Variants in DLG2 observed in about 807,000 individuals in gnomAD.
The protein encoded by DLG2 is disks large homolog 2.
DLG2 carries 45 observed loss-of-function variants against 132.5 expected under a neutral mutation model. The ratio of observed to expected loss-of-function variants is 0.34; its 90% CI spans 0.27 to 0.44. DLG2 has a LOEUF of 0.44. DLG2 is among the 20% of genes least tolerant of loss of function. The pLI, the probability that DLG2 is intolerant of heterozygous loss-of-function variation, is 1.00. For synonymous variants in DLG2, 424 were observed against 419.6 expected (o/e 1.01, Z -0.13); for missense variants, 1,045 against 1,196.9 (o/e 0.87, Z 1.87).
intron 10 of DLG2, among the ~76,000 whole-genome samples, chr11:84,081,914 A>G (rs2096910036): frequency 6.6e-6 from 1 of 152,190 alleles, no homozygotes; most frequent in Non-Finnish European, 1.5e-5. Context: ...ACAATGGTTG[A>G]ACTAGTTTAC....
chr11:84,802,876 T>A (rs1478721564), intron 6 of DLG2, among the ~76,000 whole-genome samples: 1 of 152,190 alleles, frequency 6.6e-6, no homozygotes, highest in African/African-American at 2.4e-5. Flanking sequence ...CTCGGCTCAC[T>A]GCAACCTCCA....
intron 6 of DLG2, among the ~76,000 whole-genome samples, chr11:84,730,703 C>T (rs947369060): frequency 3.3e-5 from 5 of 151,986 alleles, no homozygotes; most frequent in Admixed American, 1.3e-4. Flanking sequence ...TCCTTATCAG[C>T]TCCCTTTCAT....
rs373259424 is a variant in DLG2, at chr11:83,827,473, A to T, written c.1722+6141T>A. ...AATCAACAATGCAATTTAAATTCTA[A>T]TTTGGAAATCCAGTTACCTATTATA... On this transcript the variant is annotated intron_variant, in intron 17 of 27. Transcript: ENST00000376104. 2.0e-5 allele frequency among the ~76,000 whole-genome samples: 3 copies of T among 152,152 alleles called. No homozygotes were observed. The East Asian group carries it at 5.8e-4, about 29-fold the overall frequency.
intron 6 of DLG2, among the ~76,000 whole-genome samples, chr11:84,842,479 A>G (rs78651057): frequency 6.3e-4 from 96 of 152,138 alleles, no homozygotes; most frequent in African/African-American, 2.2e-3. Flanking sequence ...TGTCAAAGAA[A>G]TAAGTTCTAG....
At chr11:84,212,544 A>C (rs1446596047) in intron 8 of DLG2, among the ~76,000 whole-genome samples, 1 of 152,248 alleles carries the variant, frequency 6.6e-6, no homozygotes, top group Non-Finnish European at 1.5e-5. Flanking sequence ...GAATTTGTCC[A>C]TTTAAACCTA....
intron 19 of DLG2, among the ~76,000 whole-genome samples, chr11:83,594,722 C>G (rs116637415): frequency 0.013 from 2,036 of 152,230 alleles, 50 homozygotes; most frequent in African/African-American, 0.046. Context: ...GCTTCTAATT[C>G]TTGAGCTGCC....
chr11:85,098,292 T>C (rs2070245828), intron 6 of DLG2, among the ~76,000 whole-genome samples: 1 of 152,210 alleles, frequency 6.6e-6, no homozygotes, highest in South Asian at 2.1e-4. Flanking sequence ...TTCTACAGTT[T>C]GGTGACAGAG....
intron 16 of DLG2, among the ~76,000 whole-genome samples, chr11:83,855,713 T>C (rs1227091814): frequency 2.6e-5 from 4 of 151,998 alleles, no homozygotes; most frequent in Non-Finnish European, 5.9e-5. Context: ...TTAAAAAACT[T>C]TTAAGTTCAG....
intron 18 of DLG2, among the ~76,000 whole-genome samples, chr11:83,710,327 T>A (rs2085114181): frequency 6.6e-6 from 1 of 152,092 alleles, no homozygotes; most frequent in Admixed American, 6.5e-5. Flanking sequence ...CATGCCTGAT[T>A]AATTTTTTAT....
chr11:85,350,259 GT>G (rs2083181900), intron 3 of DLG2, among the ~76,000 whole-genome samples: 2 of 152,122 alleles, frequency 1.3e-5, no homozygotes, highest in South Asian at 2.1e-4. Flanking sequence ...TGATGCAGTT[GT>G]TTTTTTCTTG....
intron 15 of DLG2, among the ~76,000 whole-genome samples, chr11:83,900,365 G>A (rs12289010): frequency 0.096 from 14,675 of 152,262 alleles, 832 homozygotes; most frequent in Middle Eastern, 0.2. Flanking sequence ...TGGGGGAAAT[G>A]TCTCTAGGGC....
intron 4 of DLG2, among the ~76,000 whole-genome samples, chr11:85,191,882 T>A (rs2080604889): frequency 6.6e-6 from 1 of 152,232 alleles, no homozygotes; most frequent in African/African-American, 2.4e-5. Context: ...AGATGGCTAT[T>A]ATTATTTTCA....
intron 6 of DLG2, among the ~76,000 whole-genome samples, chr11:84,794,027 A>G (rs997658554): frequency 2.0e-5 from 3 of 152,008 alleles, no homozygotes; most frequent in Admixed American, 1.3e-4. Context: ...CTCTGGTGGT[A>G]TGATTTAATT....
intron 6 of DLG2, among the ~76,000 whole-genome samples, chr11:84,981,613 A>G (rs2055752898): frequency 6.6e-6 from 1 of 152,168 alleles, no homozygotes; most frequent in South Asian, 2.1e-4. Flanking sequence ...AAAGTCGAGA[A>G]ATACTTCCAT....
At chr11:84,068,453 A>G (rs1326083863) in intron 10 of DLG2, among the ~76,000 whole-genome samples, 17 of 152,142 alleles carry the variant, frequency 1.1e-4, no homozygotes, top group Admixed American at 9.8e-4. Flanking sequence ...AGCTTATCTC[A>G]TCTTCTAGGA....
intron 6 of DLG2, among the ~76,000 whole-genome samples, chr11:84,920,886 T>C (rs1319309881): frequency 6.6e-5 from 10 of 152,104 alleles, no homozygotes; most frequent in East Asian, 1.9e-4. Context: ...TAGTGGTCTA[T>C]TGTGTGCAGA....
chr11:85,016,104 C>T (rs565526464), intron 6 of DLG2, among the ~76,000 whole-genome samples: 3 of 152,020 alleles, frequency 2.0e-5, no homozygotes, highest in African/African-American at 7.2e-5. Context: ...CATGTTGCTC[C>T]TACTGAAATT....
At chr11:85,152,486 A>G (rs2077320860) in intron 5 of DLG2, among the ~76,000 whole-genome samples, 1 of 152,042 alleles carries the variant, frequency 6.6e-6, no homozygotes, top group South Asian at 2.1e-4. Context: ...TGATCCACCC[A>G]CCTTGGCCTC....
At chr11:83,570,240 A>G (rs775324371) in intron 19 of DLG2, among the ~76,000 whole-genome samples, 1 of 152,156 alleles carries the variant, frequency 6.6e-6, no homozygotes, top group Non-Finnish European at 1.5e-5. Context: ...TCTGCAACCA[A>G]AGTTCACAGG....
Sources: allele counts gnomAD v4.1 joint callset (sites outside exome capture counted in the v4.1 genomes callset), GRCh38; gene constraint gnomAD v4.1.1; transcripts MANE v1.5; gene names NCBI Gene and HGNC (gene_info 2026-07-23, HGNC 2026-07-21).